The following ACAP2 variants were observed in gnomAD, a reference collection of about 807,000 sequenced individuals.
The protein encoded by ACAP2 is ArfGAP with coiled-coil, ankyrin repeat and PH domains 2.
Under a neutral mutation model 115.8 loss-of-function variants are expected in ACAP2, and 39 were observed. The observed-to-expected ratio is 0.34, with a 90% CI of 0.26 to 0.44. The LOEUF is 0.44. ACAP2 is among the 20% of genes least tolerant of loss of function. The pLI is 1.00. For synonymous variants in ACAP2, 289 were observed against 315.8 expected (o/e 0.92, Z 0.90); for missense variants, 662 against 927.6 (o/e 0.71, Z 3.72).
In ACAP2 at chr3:195,442,989, T is replaced by G. The variant is rs551373255; in HGVS notation, c.-142A>C. On this transcript the variant is annotated 5_prime_UTR_variant, in exon 1 of 23. An upstream start codon of the reference 5' UTR is lost. Coordinates refer to ENST00000326793, the MANE Select transcript of ACAP2 (RefSeq NM_012287.6). ...CGAAGGGCGCCTCGCCCGCTGGTCA[T>G]AGCAGCCGCGAAGACGGCGACGACT... 2.6e-5 allele frequency: 18 copies of G among 680,234 alleles called. No homozygotes were observed. The highest frequency in any genetic ancestry group is 1.0e-4 in the East Asian group (3 of 29,412). The allele number at this position is 680,234 out of a possible 1,614,324, so 42.1% of individuals were successfully genotyped here.
At chr3:195,317,540 C>T (rs1474674921) in intron 10 of ACAP2, among the ~76,000 whole-genome samples, 1 of 152,048 alleles carries the variant, frequency 6.6e-6, no homozygotes, top group Non-Finnish European at 1.5e-5. Flanking sequence ...ATCACTGATA[C>T]CCAGAAGAAT....
chr3:195,395,977 G>A (rs1711737138), intron 1 of ACAP2, among the ~76,000 whole-genome samples: 1 of 152,172 alleles, frequency 6.6e-6, no homozygotes, highest in African/African-American at 2.4e-5. Context: ...GAAGCTGGGT[G>A]TGGTGGCTCA....
Position 195,357,137 on chromosome 3 carries a change from A to G in ACAP2, c.286-11820T>C, listed in dbSNP as rs141390422. Reference sequence around the variant, plus strand: ...TCCCAGGAATGGCGACATTCATGAAAAGCTGAGCCCTTGGGCCTTAAGTGA... The same window carrying G: ...TCCCAGGAATGGCGACATTCATGAAGAGCTGAGCCCTTGGGCCTTAAGTGA... On this transcript the variant is annotated intron_variant, in intron 4 of 22. Transcript: ENST00000326793. Among the ~76,000 whole-genome samples the G allele has an allele frequency of 6.9e-4, 105 of 151,966 alleles. 1 individual carries two copies. The highest frequency in any genetic ancestry group is 2.4e-3 in the African/African-American group (101 of 41,450).
intron 10 of ACAP2, among the ~76,000 whole-genome samples, chr3:195,314,993 A>G (rs1728994485): frequency 6.6e-6 from 1 of 152,188 alleles, no homozygotes; most frequent in Non-Finnish European, 1.5e-5. Context: ...AAATACTTAA[A>G]GACTTTAGTC....
intron 4 of ACAP2, among the ~76,000 whole-genome samples, chr3:195,370,169 A>T (rs1397838086): frequency 6.6e-6 from 1 of 152,174 alleles, no homozygotes; most frequent in Non-Finnish European, 1.5e-5. Context: ...TCGGATGAGT[A>T]GTTTGCAAAT....
At chr3:195,288,648 A>G (rs939704024) in intron 21 of ACAP2, among the ~76,000 whole-genome samples, 1 of 151,980 alleles carries the variant, frequency 6.6e-6, no homozygotes, top group Non-Finnish European at 1.5e-5. Flanking sequence ...ACCTGAGGTC[A>G]GGAGTTCGAG....
chr3:195,302,746 A>T (rs1466141721), intron 13 of ACAP2, among the ~76,000 whole-genome samples: 7 of 152,190 alleles, frequency 4.6e-5, no homozygotes, highest in African/African-American at 1.4e-4. Context: ...ACTTCAAGGG[A>T]TATTAGGTAA....
intron 10 of ACAP2, among the ~76,000 whole-genome samples, chr3:195,309,244 AAAAGTATC>A (rs1378617852): frequency 6.6e-6 from 1 of 152,154 alleles, no homozygotes; most frequent in East Asian, 1.9e-4. Flanking sequence ...TATCGTGAAT[AAAAGTATC>A]CACTTGTGGC....
In ACAP2 at chr3:195,279,164, A is replaced by G. The variant is rs777676424; in HGVS notation, c.*164T>C. On this transcript the variant is annotated 3_prime_UTR_variant, in exon 23 of 23. Transcript: ENST00000326793. ...AACTAGGTTCCTCTCCTACTACTAGATAACTATGTTTTAATTTATAAATAT... is the reference window on the plus strand; with the variant it reads ...AACTAGGTTCCTCTCCTACTACTAGGTAACTATGTTTTAATTTATAAATAT... The G allele has an allele frequency of 2.1e-4, 109 of 515,596 alleles. No individual in the cohort carries two copies. The highest frequency in any genetic ancestry group is 3.7e-4 in the South Asian group (12 of 32,476). The allele number at this position is 515,596 out of a possible 1,614,324, so 31.9% of individuals were successfully genotyped here. A position where few individuals can be genotyped will look rare whatever the true frequency, so the allele number is the denominator to read the frequency against.
At chr3:195,306,236 C>G (rs1295243358) in intron 13 of ACAP2, among the ~76,000 whole-genome samples, 1 of 152,138 alleles carries the variant, frequency 6.6e-6, no homozygotes. Context: ...TGGCACAATA[C>G]TTTTGGGGAA....
intron 2 of ACAP2, among the ~76,000 whole-genome samples, chr3:195,386,338 TAAA>T (rs1734300978): frequency 1.3e-5 from 2 of 152,320 alleles, no homozygotes; most frequent in South Asian, 4.1e-4. Flanking sequence ...GGGACTATAC[TAAA>T]AACCATGAAT....
intron 5 of ACAP2, among the ~76,000 whole-genome samples, chr3:195,344,527 G>A (rs1248660353): frequency 6.6e-6 from 1 of 151,500 alleles, no homozygotes; most frequent in African/African-American, 2.4e-5. Context: ...CAAAAATCAT[G>A]TACTTTTTTT....
At chr3:195,357,563 A>T (rs148927468) in intron 4 of ACAP2, 64 of 152,326 alleles carry the variant, frequency 4.2e-4, no homozygotes, top group African/African-American at 1.5e-3. Flanking sequence ...GACGAAGTAC[A>T]GTCCCAACGA....
chr3:195,397,035 A>C (rs2108782362), intron 1 of ACAP2, among the ~76,000 whole-genome samples: 1 of 152,288 alleles, frequency 6.6e-6, no homozygotes, highest in Middle Eastern at 3.4e-3. Context: ...CAAACATTAA[A>C]GGTGGATTTC....
intron 4 of ACAP2, among the ~76,000 whole-genome samples, chr3:195,367,939 G>C (rs1312455822): frequency 1.3e-5 from 2 of 152,220 alleles, no homozygotes; most frequent in Non-Finnish European, 2.9e-5. Context: ...GCCCCACTTG[G>C]TGGCTGTTTT....
At chr3:195,424,255 G>A (rs1328138906) in intron 1 of ACAP2, among the ~76,000 whole-genome samples, 9 of 78,342 alleles carry the variant, frequency 1.1e-4, no homozygotes, top group African/African-American at 4.4e-4. Flanking sequence ...GTGTGTGTGT[G>A]TGTGTGTATA....
At chr3:195,285,966 C>T in intron 21 of ACAP2, 109 bp from the exon 22 acceptor site, 3 of 794,324 alleles carry the variant, frequency 3.8e-6, no homozygotes, top group Non-Finnish European at 5.7e-6. Flanking sequence ...TTTTATTTGC[C>T]ATTAAAATAA....
intron 5 of ACAP2, among the ~76,000 whole-genome samples, chr3:195,343,376 A>C (rs1288057290): frequency 6.6e-6 from 1 of 152,222 alleles, no homozygotes; most frequent in Non-Finnish European, 1.5e-5. Flanking sequence ...GCCCTCGAGA[A>C]AAATCCTAGA....
intron 1 of ACAP2, among the ~76,000 whole-genome samples, chr3:195,427,295 C>T (rs1714755539): frequency 6.6e-6 from 1 of 152,194 alleles, no homozygotes; most frequent in Non-Finnish European, 1.5e-5. Context: ...CCAGTGAGAT[C>T]TGTATCAAAA....
Sources: allele counts gnomAD v4.1 joint callset (sites outside exome capture counted in the v4.1 genomes callset), GRCh38; gene constraint gnomAD v4.1.1; transcripts MANE v1.5; gene names NCBI Gene and HGNC (gene_info 2026-07-23, HGNC 2026-07-21).